Variants in MAEA observed in about 807,000 individuals in gnomAD.
MAEA encodes E3 ubiquitin-protein transferase MAEA.
A neutral mutation model predicts 46.2 loss-of-function variants in MAEA; 22 were observed. That is an observed-to-expected ratio of 0.48 (90% CI 0.34 to 0.68). The LOEUF is 0.68. Ranked by LOEUF, MAEA falls within the 30% of genes least tolerant of loss-of-function variation. The pLI, the probability that MAEA is intolerant of heterozygous loss-of-function variation, is 0.01. For missense variants in MAEA, 393 were observed against 558.1 expected, an observed-to-expected ratio of 0.70 and a Z score of 2.98; for synonymous variants, 246 against 222.6, an observed-to-expected ratio of 1.11 and a Z score of -0.94.
At position 1,339,106 on chromosome 4, in the gene MAEA, C is replaced by T. The variant is rs372850154; in HGVS notation, c.1128C>T (p.Val376=). 6 of 1,613,838 alleles carry T rather than the reference C, an allele frequency of 3.7e-6. No individual in the cohort carries two copies. The highest frequency in any genetic ancestry group is 5.1e-6 in the Non-Finnish European group (6 of 1,179,986). ...SLLSIRQDDK[V]VCPRTKEVFH... Reference sequence around the variant, plus strand: ...TTTCTATCCGTCAAGATGATAAAGTCGTGTGCCCGAGAACCAAAGAAGTCT... The same window carrying T: ...TTTCTATCCGTCAAGATGATAAAGTTGTGTGCCCGAGAACCAAAGAAGTCT... Residue 376 remains valine (V), a synonymous_variant, in exon 9 of 9, where the codon GTC becomes GTT. Transcript: ENST00000303400.
chr4:1,330,782 TGTGTGTTGG>T (rs1711670581), intron 5 of MAEA: 4 of 152,214 alleles, frequency 2.6e-5, no homozygotes, highest in African/African-American at 9.7e-5. Context: ...TGCAGTTCTC[TGTGTGTTGG>T]GGCTGAATGC....
intron 1 of MAEA, among the ~76,000 whole-genome samples, chr4:1,291,445 C>T (rs894470896): frequency 2.0e-5 from 3 of 152,196 alleles, no homozygotes; most frequent in Non-Finnish European, 4.4e-5. Flanking sequence ...TTTTAATACT[C>T]AGTGACATTG....
At chr4:1,322,168 C>T (rs553776202) in intron 3 of MAEA, among the ~76,000 whole-genome samples, 2 of 152,260 alleles carry the variant, frequency 1.3e-5, no homozygotes, top group East Asian at 1.9e-4. Context: ...TCTACGTGAG[C>T]GTCCGACCTT....
At position 1,292,670 on chromosome 4, in the gene MAEA, T is replaced by C. The variant is rs150713729; in HGVS notation, c.69+2688T>C. ...TCTTCAGACATTGCTAGATGTGCCC[T>C]GGGGGCATGCACACACCCCTGAGAA... is the stretch of plus-strand genomic sequence containing the variant. On this transcript the variant is annotated intron_variant, in intron 1 of 8. Transcript: ENST00000303400. Among the ~76,000 whole-genome samples the C allele has an allele frequency of 2.4e-4, 37 of 152,240 alleles. No homozygotes were observed. The East Asian group carries it at 3.5e-3, about 14-fold the overall frequency.
At chr4:1,325,575 T>C (rs1171810985) in intron 4 of MAEA, among the ~76,000 whole-genome samples, 1 of 152,204 alleles carries the variant, frequency 6.6e-6, no homozygotes, top group African/African-American at 2.4e-5. Flanking sequence ...CCTGCTCTTC[T>C]AGAGCACCCC....
chr4:1,300,532 G>T (rs1254323250), intron 1 of MAEA, among the ~76,000 whole-genome samples: 3 of 152,284 alleles, frequency 2.0e-5, no homozygotes, highest in African/African-American at 7.2e-5. Flanking sequence ...TGGTCAGGGA[G>T]TGACCTGGGG....
At chr4:1,316,836 C>G (rs963116540) in intron 3 of MAEA, among the ~76,000 whole-genome samples, 17 of 152,192 alleles carry the variant, frequency 1.1e-4, no homozygotes, top group Non-Finnish European at 2.1e-4. Context: ...ATGCAGCCAT[C>G]TGCACGCCCT....
chr4:1,294,032 G>A (rs944163481), intron 1 of MAEA, among the ~76,000 whole-genome samples: 2 of 152,252 alleles, frequency 1.3e-5, no homozygotes, highest in African/African-American at 4.8e-5. Context: ...ACATTGGGTT[G>A]GACCCTGGTG....
chr4:1,290,884 C>T (rs1332892572), intron 1 of MAEA, among the ~76,000 whole-genome samples: 1 of 152,204 alleles, frequency 6.6e-6, no homozygotes, highest in African/African-American at 2.4e-5. Context: ...TGTGAGCCAT[C>T]CTGCTGGGGT....
At position 1,332,811 on chromosome 4, in the gene MAEA, C is replaced by T. The variant is rs1208401042; in HGVS notation, c.711C>T (p.Arg237=). ...AAGGGAGCCAGCTGGACGAGGTGCG[C>T]CAGGCCATGGGCATGCTGGCCTTCC... The part of the protein sequence containing the change: ...QAEGSQLDEV[R]QAMGMLAFPP... The change falls in exon 6 of 9, where the codon CGC becomes CGT. Residue 237 remains arginine, a synonymous_variant. Coordinates refer to ENST00000303400, the MANE Select transcript of MAEA (RefSeq NM_001017405.3). 7 of 1,613,238 alleles carry T rather than the reference C, an allele frequency of 4.3e-6. No individual in the cohort carries two copies. The Admixed American group carries it at 1.2e-4, about 27-fold the overall frequency.
chr4:1,313,753 A>C (rs960334522), intron 2 of MAEA, among the ~76,000 whole-genome samples: 1 of 151,994 alleles, frequency 6.6e-6, no homozygotes, highest in Non-Finnish European at 1.5e-5. Flanking sequence ...TCTGCAGGGA[A>C]CAGACAGTAT....
At chr4:1,300,398 G>C (rs2108871627) in intron 1 of MAEA, among the ~76,000 whole-genome samples, 1 of 152,354 alleles carries the variant, frequency 6.6e-6, no homozygotes, top group South Asian at 2.1e-4. Context: ...AACTGCCAAA[G>C]TTGTGACCTT....
At chr4:1,296,605 G>A (rs73069988) in intron 1 of MAEA, among the ~76,000 whole-genome samples, 23,282 of 150,694 alleles carry the variant, frequency 0.15, 3,511 homozygotes, top group East Asian at 0.42. Flanking sequence ...TGGTGTGCAC[G>A]TGGCTCTGAG....
chr4:1,323,666 C>G (rs759028739), intron 4 of MAEA: 28 of 698,100 alleles, frequency 4.0e-5, no homozygotes, highest in Non-Finnish European at 6.3e-5. Flanking sequence ...CCCAGAGAGC[C>G]GGCACACACC....
At chr4:1,321,614 G>A (rs1738116336) in intron 3 of MAEA, among the ~76,000 whole-genome samples, 1 of 152,214 alleles carries the variant, frequency 6.6e-6, no homozygotes, top group South Asian at 2.1e-4. Context: ...GCCTCATCCT[G>A]GGCCGTTGGG....
chr4:1,328,983 G>T (rs530813334), intron 5 of MAEA: 12 of 991,654 alleles, frequency 1.2e-5, no homozygotes, highest in Admixed American at 5.9e-5. Context: ...AGGGGCTCCC[G>T]CTCTGCTCTG....
chr4:1,328,719 C>T (rs567271463), intron 5 of MAEA: 71 of 1,257,108 alleles, frequency 5.6e-5, no homozygotes, highest in Middle Eastern at 2.2e-4. Flanking sequence ...GTCCCCAAGA[C>T]GCACGGCAGA....
At chr4:1,309,042 T>C (rs1736115083) in intron 1 of MAEA, among the ~76,000 whole-genome samples, 1 of 152,208 alleles carries the variant, frequency 6.6e-6, no homozygotes, top group African/African-American at 2.4e-5. Flanking sequence ...TGCGGGCTCA[T>C]CTCTGCAGTG....
chr4:1,289,931 G>A lies in MAEA; in HGVS notation c.18G>A (p.Ser6=). MAVQE[S]AAQLSMTLKV... ...GCTTCAAGATGGCGGTGCAGGAGTC[G>A]GCGGCTCAGTTGTCCATGACCCTGA... The change falls in exon 1 of 9, where the codon TCG becomes TCA. Residue 6 remains serine, a synonymous_variant. Coordinates refer to ENST00000303400, the MANE Select transcript of MAEA (RefSeq NM_001017405.3). The A allele has an allele frequency of 6.2e-7, 1 of 1,601,162 alleles. No individual in the cohort carries two copies. Among genetic ancestry groups the A allele is most frequent in the Non-Finnish European group, 8.5e-7 (1 of 1,173,550 alleles).
Sources: allele counts gnomAD v4.1 joint callset (sites outside exome capture counted in the v4.1 genomes callset), GRCh38; gene constraint gnomAD v4.1.1; transcripts MANE v1.5; gene names NCBI Gene and HGNC (gene_info 2026-07-23, HGNC 2026-07-21).